PSME4: variants seen among roughly 807,000 people sequenced by gnomAD.
PSME4 encodes the protein proteasome activator subunit 4, also known as proteasome activator complex subunit 4.
PSME4 carries 89 observed loss-of-function variants against 253.9 expected under a neutral mutation model. The observed-to-expected ratio is 0.35, with a 90% confidence interval of 0.30 to 0.42. The LOEUF is 0.42. PSME4 is among the 10% of genes least tolerant of loss of function. PSME4 has a pLI of 1.00. For synonymous variants in PSME4, 851 were observed against 759.2 expected (o/e 1.12, Z -1.99); for missense variants, 2,014 against 2,195.2 (o/e 0.92, Z 1.65).
intron 41 of PSME4, among the ~76,000 whole-genome samples, chr2:53,883,021 TCA>T (rs1297562839): frequency 6.6e-6 from 1 of 152,062 alleles, no homozygotes; most frequent in African/African-American, 2.4e-5. Context: ...TTTTATAAAC[TCA>T]CAATAATTTT....
Position 53,934,744 on chromosome 2 carries a change from AT to A in PSME4, c.835-18del. ...TGTAAATATCTTTTAAAAGAAAAAA[AT>A]AAGTAAGGATATTTACAGGTATCAA... is the stretch of plus-strand genomic sequence containing the variant. On this transcript the variant is annotated intron_variant, in intron 7 of 46. Coordinates refer to ENST00000404125, the MANE Select transcript of PSME4 (RefSeq NM_014614.3). 6.5e-7 allele frequency: 1 copy of A among 1,538,872 alleles called. No homozygotes were observed. The highest frequency in any genetic ancestry group is 8.9e-7 in the Non-Finnish European group (1 of 1,118,884).
At chr2:53,950,803 T>C (rs1457220431) in intron 1 of PSME4, among the ~76,000 whole-genome samples, 1 of 142,104 alleles carries the variant, frequency 7.0e-6, no homozygotes, top group African/African-American at 2.6e-5. Flanking sequence ...AGTGTGCCGT[T>C]GCACTCCAGC....
At chr2:53,919,315 CAGA>C in intron 19 of PSME4, 69 bp from the exon 20 acceptor site, 1 of 1,470,384 alleles carries the variant, frequency 6.8e-7, no homozygotes, top group Non-Finnish European at 9.0e-7. Flanking sequence ...GAGCCTAGCA[CAGA>C]AGTTTTCTCA....
intron 20 of PSME4, among the ~76,000 whole-genome samples, chr2:53,917,923 G>A (rs533603083): frequency 9.2e-5 from 14 of 152,112 alleles, no homozygotes; most frequent in Admixed American, 5.9e-4. Context: ...AAAAGAATTC[G>A]GCAAATTCCT....
Position 53,874,996 on chromosome 2 carries a change from C to T in PSME4, c.4945-502G>A, listed in dbSNP as rs115755242. Among the ~76,000 whole-genome samples the T allele has an allele frequency of 6.8e-3, 1,034 of 152,272 alleles. 9 individuals are homozygous for T. Among genetic ancestry groups the T allele is most frequent in the African/African-American group, 0.023 (944 of 41,550 alleles). The stretch of plus-strand genomic sequence containing the variant: ...AGGTAAAAGTCAATTTCACAAGAGA[C>T]AGTCATGATTAATGGCTCCTAACTC... On this transcript the variant is annotated intron_variant, in intron 42 of 46. Coordinates refer to ENST00000404125, the MANE Select transcript of PSME4 (RefSeq NM_014614.3).
chr2:53,869,770 T>C (rs1464557496), intron 43 of PSME4: 2 of 320,446 alleles, frequency 6.2e-6, no homozygotes, highest in Non-Finnish European at 1.1e-5. Context: ...TTTATCTCTT[T>C]TAGCAAAATT....
chr2:53,929,243 C>T (rs966861566), intron 10 of PSME4, among the ~76,000 whole-genome samples: 5 of 152,022 alleles, frequency 3.3e-5, no homozygotes, highest in African/African-American at 9.7e-5. Context: ...ACTAATCTAA[C>T]GGTCAGTCAG....
chr2:53,953,799 A>C (rs779723667), intron 1 of PSME4, among the ~76,000 whole-genome samples: 3 of 152,206 alleles, frequency 2.0e-5, no homozygotes, highest in Non-Finnish European at 4.4e-5. Context: ...ACTAATGATT[A>C]CTATTAGGTG....
At chr2:53,900,643 G>A (rs1353776210) in intron 28 of PSME4, among the ~76,000 whole-genome samples, 1 of 152,212 alleles carries the variant, frequency 6.6e-6, no homozygotes, top group Non-Finnish European at 1.5e-5. Context: ...TGATATTTAT[G>A]ATATGTGAAT....
chr2:53,908,594 G>C (rs753280588), intron 22 of PSME4, 29 bp from the exon 23 acceptor site: 1 of 1,568,438 alleles, frequency 6.4e-7, no homozygotes, highest in South Asian at 1.2e-5. Flanking sequence ...AAGGATTTTG[G>C]TTAAAATATT....
rs1419741741 is a variant in PSME4 at position 53,923,082 on chromosome 2, G to A, written c.1945C>T (p.His649Tyr). 6.8e-6 allele frequency: 11 copies of A among 1,607,320 alleles called. No individual in the cohort carries two copies. Among genetic ancestry groups the A allele is most frequent in the Non-Finnish European group, 1.7e-6 (2 of 1,175,988 alleles). ...PEESLKLFVPHCCSVITQLTM... is the reference protein window; with the variant it reads ...PEESLKLFVPYCCSVITQLTM... ...AGCTGAGTTATAACACTGCAGCAGT[G>A]GGGAACAAAGAGCTTCAAAGATTCT... The change falls in exon 16 of 47, where the codon CAC (histidine) becomes TAC (tyrosine). Residue 649 changes from histidine to tyrosine, a missense_variant. Transcript: ENST00000404125.
intron 24 of PSME4, among the ~76,000 whole-genome samples, chr2:53,907,132 G>C (rs1680697542): frequency 6.6e-6 from 1 of 152,102 alleles, no homozygotes; most frequent in Non-Finnish European, 1.5e-5. Context: ...ACCCATGCAT[G>C]GGAGAGCAAC....
At chr2:53,947,637 T>A (rs943714981) in intron 3 of PSME4, among the ~76,000 whole-genome samples, 1 of 151,454 alleles carries the variant, frequency 6.6e-6, no homozygotes, top group Non-Finnish European at 1.5e-5. Context: ...ACCCTGGAGG[T>A]GGAGCTTGCA....
intron 29 of PSME4, among the ~76,000 whole-genome samples, chr2:53,899,204 G>A (rs556101970): frequency 1.3e-5 from 2 of 151,928 alleles, no homozygotes; most frequent in East Asian, 2.0e-4. Context: ...AGCTGGGACT[G>A]TAGGCGCGTG....
At chr2:53,930,017 CTAAATAAATAAATAATAAA>C (rs1668749099) in intron 10 of PSME4, among the ~76,000 whole-genome samples, 3 of 151,198 alleles carry the variant, frequency 2.0e-5, no homozygotes, top group Non-Finnish European at 2.9e-5. Context: ...GAGTCTGTCT[CTAAATAAATAAATAATAAA>C]TAAATAAATA....
chr2:53,877,581 T>C (rs2104415539), intron 41 of PSME4, among the ~76,000 whole-genome samples: 1 of 152,288 alleles, frequency 6.6e-6, no homozygotes, highest in African/African-American at 2.4e-5. Flanking sequence ...GGTAGGAGGT[T>C]TCCTCCTAAA....
chr2:53,910,005 C>A, intron 21 of PSME4, 70 bp downstream of exon 21: 1 of 1,233,992 alleles, frequency 8.1e-7, no homozygotes, highest in Non-Finnish European at 1.2e-6. Context: ...CTTCATACTT[C>A]ATTTTAGTCC....
intron 41 of PSME4, among the ~76,000 whole-genome samples, chr2:53,881,253 G>A (rs1244675898): frequency 6.6e-6 from 1 of 152,156 alleles, no homozygotes; most frequent in Non-Finnish European, 1.5e-5. Context: ...AATGCGAGGT[G>A]ACTGTATCCA....
intron 30 of PSME4, 76 bp from the exon 31 acceptor site, chr2:53,898,075 T>A: frequency 6.8e-7 from 1 of 1,477,522 alleles, no homozygotes. Flanking sequence ...GTGAAACACC[T>A]TATAATTTTA....
Sources: allele counts gnomAD v4.1 joint callset (sites outside exome capture counted in the v4.1 genomes callset), GRCh38; gene constraint gnomAD v4.1.1; transcripts MANE v1.5; gene names NCBI Gene and HGNC (gene_info 2026-07-23, HGNC 2026-07-21).